FASTKD1: variants seen among roughly 807,000 people sequenced by gnomAD.
The protein encoded by FASTKD1 is FAST kinase domain-containing protein 1, mitochondrial.
Under a neutral mutation model 90.9 loss-of-function variants are expected in FASTKD1, and 94 were observed. That is an observed-to-expected ratio of 1.03 (90% CI 0.88 to 1.23). The LOEUF is 1.23. Ranked by LOEUF, FASTKD1 falls within the 50% of genes most tolerant of loss-of-function variation. The probability of loss-of-function intolerance (pLI) is 0.00; values close to 1 mark genes in which losing one functional copy is unlikely to be tolerated. For missense variants in FASTKD1, 945 were observed against 993.5 expected (o/e 0.95, Z 0.66); for synonymous variants, 319 against 345.8 (o/e 0.92, Z 0.86).
chr2:169,553,699 C>A (rs188377632), intron 7 of FASTKD1, among the ~76,000 whole-genome samples: 7 of 151,988 alleles, frequency 4.6e-5, no homozygotes, highest in African/African-American at 1.7e-4. Flanking sequence ...GGGCAGACCA[C>A]GGGGTCAGAA....
chr2:169,540,138 A>G lies in FASTKD1; in HGVS notation c.1858T>C (p.Leu620=), dbSNP rs748443915. 26 of 1,601,770 alleles carry G rather than the reference A, an allele frequency of 1.6e-5. No homozygotes were observed. The highest frequency in any genetic ancestry group is 2.1e-5 in the Non-Finnish European group (25 of 1,171,458). The change falls in exon 10 of 15, where the codon TTG becomes CTG. Residue 620 remains leucine (L), a synonymous_variant. Transcript: ENST00000453153. The part of the protein sequence containing the change: ...PFILVFLGFS[L]ATLEYFPEDL... ...TCTGGAAAATATTCAAGTGTGGCCAAAGAGAAACCAAGAAACACTAATATA... is the reference window on the plus strand; with the variant it reads ...TCTGGAAAATATTCAAGTGTGGCCAGAGAGAAACCAAGAAACACTAATATA...
At chr2:169,531,827 T>C in intron 12 of FASTKD1, 1 of 190,552 alleles carries the variant, frequency 5.2e-6, no homozygotes, top group Non-Finnish European at 1.1e-5. Context: ...CCAACTCATC[T>C]GAAAATTAAT....
intron 3 of FASTKD1, among the ~76,000 whole-genome samples, chr2:169,565,901 G>A (rs1683954835): frequency 6.6e-6 from 1 of 152,192 alleles, no homozygotes; most frequent in African/African-American, 2.4e-5. Flanking sequence ...GTGAGATGAT[G>A]TCTCATTGTA....
intron 7 of FASTKD1, among the ~76,000 whole-genome samples, chr2:169,554,340 T>C (rs1050629997): frequency 7.1e-6 from 1 of 140,654 alleles, no homozygotes; most frequent in African/African-American, 2.7e-5. Flanking sequence ...AATAAGGTGA[T>C]TTTAAATTAT....
Position 169,546,724 on chromosome 2 carries a change from A to G in FASTKD1, c.1215-20T>C. ...AAATAACTGCAAAATGAAAAATGAA[A>G]AGAATACATCAGCAACAAACCCAAA... On this transcript the variant is annotated intron_variant, in intron 7 of 14. Coordinates refer to ENST00000453153, the MANE Select transcript of FASTKD1 (RefSeq NM_024622.6). The G allele has an allele frequency of 6.3e-7, 1 of 1,587,510 alleles. No homozygotes were observed. The highest frequency in any genetic ancestry group is 8.6e-7 in the Non-Finnish European group (1 of 1,167,348).
At position 169,557,168 on chromosome 2, in the gene FASTKD1, T is replaced by C. The variant is rs759307453; in HGVS notation, c.1082+19A>G. ...GTGAATGACAACAAACTTAACGTCG[T>C]AAATTTCAGAAAAGATACCTTTTAA... On this transcript the variant is annotated intron_variant, in intron 6 of 14. Transcript: ENST00000453153. The C allele has an allele frequency of 1.3e-6, 2 of 1,501,024 alleles. No individual in the cohort carries two copies. The highest frequency in any genetic ancestry group is 1.9e-6 in the Non-Finnish European group (2 of 1,078,708). 93.0% of individuals were successfully genotyped at this position (1,501,024 alleles called of 1,614,324 possible).
intron 9 of FASTKD1, among the ~76,000 whole-genome samples, chr2:169,542,776 A>G (rs1178874156): frequency 1.2e-4 from 19 of 152,204 alleles, no homozygotes; most frequent in African/African-American, 4.6e-4. Flanking sequence ...AACCCTTCAA[A>G]CAATTTACAA....
intron 7 of FASTKD1, among the ~76,000 whole-genome samples, chr2:169,548,750 A>C (rs1264798282): frequency 2.7e-5 from 4 of 148,854 alleles, no homozygotes; most frequent in Non-Finnish European, 6.0e-5. Context: ...AAAAAAAAAA[A>C]AAAAAACTTT....
chr2:169,544,685 T>A, intron 9 of FASTKD1, 36 bp downstream of exon 9: 1 of 1,141,156 alleles, frequency 8.8e-7, no homozygotes, highest in Non-Finnish European at 1.3e-6. Context: ...ATCCTCTGAC[T>A]TATTCACTCA....
At chr2:169,537,936 A>G (rs954838538) in intron 11 of FASTKD1, 77 bp downstream of exon 11, 1 of 1,282,690 alleles carries the variant, frequency 7.8e-7, no homozygotes, top group African/African-American at 1.5e-5. Context: ...GTTTAAGTAT[A>G]ACAAGATTAA....
At chr2:169,537,098 G>T in intron 12 of FASTKD1, 129 bp downstream of exon 12, 1 of 541,698 alleles carries the variant, frequency 1.8e-6, no homozygotes, top group Non-Finnish European at 3.2e-6. Context: ...ATCTCCGTTT[G>T]AAAATTTTAA....
chr2:169,553,776 G>C (rs1205475107), intron 7 of FASTKD1, among the ~76,000 whole-genome samples: 1 of 151,972 alleles, frequency 6.6e-6, no homozygotes, highest in Admixed American at 6.6e-5. Context: ...CAAAAAATTA[G>C]CCGGGTGTGG....
At chr2:169,572,883 G>T (rs1684294508) in intron 1 of FASTKD1, 1 of 152,126 alleles carries the variant, frequency 6.6e-6, no homozygotes, top group East Asian at 1.9e-4. Context: ...TAATTGAGAA[G>T]TAATGGTTAG....
intron 3 of FASTKD1, among the ~76,000 whole-genome samples, chr2:169,564,703 C>A (rs1226728250): frequency 6.6e-6 from 1 of 152,008 alleles, no homozygotes; most frequent in Non-Finnish European, 1.5e-5. Context: ...ACCATCCCCA[C>A]CTCCCCCACA....
At chr2:169,561,849 T>TAATTTATTGTAAATTATTTATC (rs1683657308) in intron 4 of FASTKD1, among the ~76,000 whole-genome samples, 3 of 142,866 alleles carry the variant, frequency 2.1e-5, no homozygotes, top group Admixed American at 1.4e-4. Flanking sequence ...AATTATTTAT[T>TAATTTATTGTAAATTATTTATC]AATTTATTGT....
Position 169,557,283 on chromosome 2 carries a change from A to G in FASTKD1, c.986T>C (p.Met329Thr). ...AGTTAGGTCCTCTGACATCAATAAC[A>G]TAGTTGATTTAAGTCTAGAAGCAAA... is the stretch of plus-strand genomic sequence containing the variant. ...PEEKKQLKSTMLLMSEDLTGE... is the reference protein window; with the variant it reads ...PEEKKQLKSTTLLMSEDLTGE... Residue 329 changes from methionine to threonine, a missense_variant, in exon 6 of 15, where the codon ATG (methionine) becomes ACG (threonine). Coordinates refer to ENST00000453153, the MANE Select transcript of FASTKD1 (RefSeq NM_024622.6). The G allele has an allele frequency of 6.3e-7, 1 of 1,592,034 alleles. No homozygotes were observed. The highest frequency in any genetic ancestry group is 8.5e-7 in the Non-Finnish European group (1 of 1,170,500).
intron 4 of FASTKD1, 51 bp from the exon 5 acceptor site, chr2:169,560,836 A>ATTATT: frequency 1.3e-6 from 1 of 755,056 alleles, no homozygotes; most frequent in Non-Finnish European, 1.8e-6. Flanking sequence ...AGAATGATCA[A>ATTATT]TTCTTTTTTT....
intron 9 of FASTKD1, 76 bp from the exon 10 acceptor site, chr2:169,540,255 C>A: frequency 1.5e-6 from 2 of 1,342,674 alleles, no homozygotes; most frequent in Non-Finnish European, 2.0e-6. Context: ...TTCAGGCAAA[C>A]CCAGGTTTTT....
chr2:169,549,953 C>CCATTTATA (rs1397969774), intron 7 of FASTKD1, among the ~76,000 whole-genome samples: 1 of 152,188 alleles, frequency 6.6e-6, no homozygotes, highest in Non-Finnish European at 1.5e-5. Context: ...TATCATTTGA[C>CCATTTATA]ATGGTCAATC....
Sources: gnomAD v4.1 joint callset for allele counts (sites outside exome capture counted in the v4.1 genomes callset) on GRCh38, gnomAD v4.1.1 for gene constraint, MANE v1.5 for transcripts, NCBI Gene and HGNC (gene_info 2026-07-23, HGNC 2026-07-21) for gene names.